MICAL2: variants seen among roughly 807,000 people sequenced by gnomAD.
MICAL2 encodes [F-actin]-monooxygenase MICAL2.
MICAL2 carries 77 observed loss-of-function variants against 127.3 expected under a neutral mutation model. The observed-to-expected ratio is 0.60, with a 90% CI of 0.50 to 0.73. The LOEUF is 0.73. Among genes scored for constraint, MICAL2 ranks in the 30% least tolerant of loss-of-function variants. The pLI, the probability that MICAL2 is intolerant of heterozygous loss-of-function variation, is 0.00. For missense variants in MICAL2, 1,351 were observed against 1,434.4 expected (o/e 0.94, Z 0.94); for synonymous variants, 570 against 551.1 (o/e 1.03, Z -0.48).
At position 12,220,344 on chromosome 11, in the gene MICAL2, T is replaced by C; in HGVS notation, c.1092T>C (p.Pro364=). Residue 364 remains proline (P), a synonymous_variant, in exon 9 of 28, where the codon CCT becomes CCC. Coordinates refer to ENST00000683283, the MANE Select transcript of MICAL2 (RefSeq NM_001282663.2). ...TTGCCATGAACCACTATGGGCAGCC[T>C]GATGTGGCCATGTTTGACTTTACCT... ...LDFAMNHYGQ[P]DVAMFDFTCM... 1.2e-6 allele frequency: 2 copies of C among 1,614,222 alleles called. No homozygotes were observed. The highest frequency in any genetic ancestry group is 1.7e-6 in the Non-Finnish European group (2 of 1,180,034).
intron 32 of MICAL2, among the ~76,000 whole-genome samples, chr11:12,331,821 T>C (rs923084083): frequency 1.3e-5 from 2 of 152,196 alleles, no homozygotes; most frequent in African/African-American, 4.8e-5. Flanking sequence ...TGAAATAAAA[T>C]AGGTATCCAA....
At chr11:12,259,575 G>T (rs911812745) in intron 25 of MICAL2, 3 of 436,540 alleles carry the variant, frequency 6.9e-6, no homozygotes, top group Non-Finnish European at 1.2e-5. Flanking sequence ...CCGATCAAAA[G>T]GCATGCATAT....
At chr11:12,204,012 G>A (rs768841549) in intron 3 of MICAL2, among the ~76,000 whole-genome samples, 3 of 152,154 alleles carry the variant, frequency 2.0e-5, no homozygotes, top group African/African-American at 4.8e-5. Context: ...GTGCCTCCTC[G>A]CCAAGTCCCT....
At chr11:12,194,788 A>G (rs1859672604) in intron 3 of MICAL2, among the ~76,000 whole-genome samples, 1 of 152,208 alleles carries the variant, frequency 6.6e-6, no homozygotes, top group African/African-American at 2.4e-5. Context: ...AGCCCAAGGG[A>G]CAAGAATTTA....
At chr11:12,154,652 C>A (rs970085708) in intron 2 of MICAL2, among the ~76,000 whole-genome samples, 1 of 152,164 alleles carries the variant, frequency 6.6e-6, no homozygotes, top group Non-Finnish European at 1.5e-5. Flanking sequence ...GCTCTTTTCA[C>A]TCTGCATTAT....
At chr11:12,316,912 T>G (rs1864238779) in intron 29 of MICAL2, among the ~76,000 whole-genome samples, 1 of 152,186 alleles carries the variant, frequency 6.6e-6, no homozygotes, top group Non-Finnish European at 1.5e-5. Context: ...TTCCCCGTGA[T>G]TTTTCTGTGG....
intron 32 of MICAL2, among the ~76,000 whole-genome samples, chr11:12,328,810 C>T (rs962873630): frequency 2.0e-5 from 3 of 152,076 alleles, no homozygotes; most frequent in African/African-American, 4.8e-5. Context: ...TACATGAGAG[C>T]GATGAAACTA....
At chr11:12,144,690 C>T (rs1852713230) in intron 2 of MICAL2, among the ~76,000 whole-genome samples, 1 of 152,218 alleles carries the variant, frequency 6.6e-6, no homozygotes, top group African/African-American at 2.4e-5. Context: ...AATGCTCGTG[C>T]ACCTAGTTCA....
chr11:12,265,307 T>G (rs1226108676), downstream of MICAL2, among the ~76,000 whole-genome samples: 1 of 152,258 alleles, frequency 6.6e-6, no homozygotes, highest in Admixed American at 6.5e-5. Flanking sequence ...TATTGCATTC[T>G]ACATACATAG....
At chr11:12,291,391 A>T (rs111254606), downstream of MICAL2, among the ~76,000 whole-genome samples, 10 of 152,292 alleles carry the variant, frequency 6.6e-5, 1 homozygote, top group African/African-American at 2.2e-4. Flanking sequence ...TTGATCTTAC[A>T]GTAGGCTATG....
intron 31 of MICAL2, among the ~76,000 whole-genome samples, chr11:12,325,692 T>G (rs1864346711): frequency 6.6e-6 from 1 of 152,156 alleles, no homozygotes; most frequent in Non-Finnish European, 1.5e-5. Context: ...GGACATCAGC[T>G]GCATTGGATT....
At chr11:12,292,003 G>A (rs2134784018), downstream of MICAL2, 2 of 1,040,038 alleles carry the variant, frequency 1.9e-6, no homozygotes, top group African/African-American at 1.6e-5. Flanking sequence ...CACGCCTTGG[G>A]CACCAGGAAC....
intron 29 of MICAL2, among the ~76,000 whole-genome samples, chr11:12,305,052 A>G (rs1163292395): frequency 2.6e-5 from 4 of 151,716 alleles, no homozygotes; most frequent in Non-Finnish European, 4.4e-5. Flanking sequence ...CCTTATCCAC[A>G]GGGGGTACGT....
chr11:12,231,089 G>C (rs774311663), intron 15 of MICAL2, among the ~76,000 whole-genome samples: 14 of 152,304 alleles, frequency 9.2e-5, no homozygotes, highest in African/African-American at 2.2e-4. Context: ...TATCATGCCT[G>C]TGTGCATGGG....
intron 1 of MICAL2, among the ~76,000 whole-genome samples, chr11:12,121,310 G>C (rs377286366): frequency 1.3e-5 from 2 of 152,342 alleles, no homozygotes; most frequent in African/African-American, 4.8e-5. Flanking sequence ...TCCTCTGGGG[G>C]CTACTGCTGG....
intron 24 of MICAL2, among the ~76,000 whole-genome samples, chr11:12,257,498 T>C (rs1407494395): frequency 6.6e-6 from 1 of 152,248 alleles, no homozygotes; most frequent in African/African-American, 2.4e-5. Flanking sequence ...TTTTCAGCAC[T>C]TGACATTTGC....
chr11:12,277,084 C>T (rs145994026), intron 1 of MICAL2, among the ~76,000 whole-genome samples: 3 of 151,734 alleles, frequency 2.0e-5, no homozygotes, highest in African/African-American at 4.8e-5. Context: ...GTAAGCCAAC[C>T]CTGACCAAGT....
Position 12,239,420 on chromosome 11 carries a change from G to A in MICAL2, c.2065-16G>A, listed in dbSNP as rs772471908. 21 of 1,613,614 alleles carry A rather than the reference G, an allele frequency of 1.3e-5. No individual in the cohort carries two copies. In the Admixed American group the frequency reaches 2.2e-4, roughly 17 times the overall value. On this transcript the variant is annotated splice_polypyrimidine_tract_variant and intron_variant, in intron 16 of 27. Coordinates refer to ENST00000683283, the MANE Select transcript of MICAL2 (RefSeq NM_001282663.2). ...TCCAGGATCCAACCATCAGTGTCCC[G>A]TTTCAACCTTTGCAGCCTTCAAACT...
chr11:12,295,761 A>G (rs1863978893), downstream of MICAL2, among the ~76,000 whole-genome samples: 1 of 152,134 alleles, frequency 6.6e-6, no homozygotes, highest in Non-Finnish European at 1.5e-5. Context: ...ACCATGTAGT[A>G]TACATAAATG....
Sources: allele counts gnomAD v4.1 joint callset (sites outside exome capture counted in the v4.1 genomes callset), GRCh38; gene constraint gnomAD v4.1.1; transcripts MANE v1.5; gene names NCBI Gene and HGNC (gene_info 2026-07-23, HGNC 2026-07-21).